STRN: variants seen among roughly 807,000 people sequenced by gnomAD.
STRN encodes the protein striatin.
Under a neutral mutation model 96.3 loss-of-function variants are expected in STRN, and 53 were observed. The observed-to-expected ratio is 0.55, with a 90% CI of 0.44 to 0.69. STRN has a LOEUF of 0.69. Among genes scored for constraint, STRN ranks in the 30% least tolerant of loss-of-function variants. The probability of loss-of-function intolerance (pLI) is 0.00; values close to 1 mark genes in which losing one functional copy is unlikely to be tolerated. For missense variants in STRN, 987 were observed against 963.9 expected (o/e 1.02, Z -0.32); for synonymous variants, 428 against 355.9 (o/e 1.20, Z -2.28).
chr2:36,862,310 TTGAGA>T (rs981971442), intron 12 of STRN, among the ~76,000 whole-genome samples: 27 of 152,294 alleles, frequency 1.8e-4, no homozygotes, highest in African/African-American at 6.0e-4. Context: ...TCAAACTTCT[TTGAGA>T]AATCACCAAA....
chr2:36,853,094 T>G (rs920095417), intron 15 of STRN, among the ~76,000 whole-genome samples: 5 of 151,946 alleles, frequency 3.3e-5, no homozygotes, highest in African/African-American at 1.2e-4. Flanking sequence ...GAGGTGGAGG[T>G]TGCAGTAAGC....
At chr2:36,943,664 C>T (rs1158785946) in intron 1 of STRN, among the ~76,000 whole-genome samples, 2 of 151,908 alleles carry the variant, frequency 1.3e-5, no homozygotes, top group Non-Finnish European at 2.9e-5. Flanking sequence ...ATTAGCTGGG[C>T]GTGGTGGCAC....
Position 36,916,140 on chromosome 2 carries a change from T to C in STRN, c.350A>G (p.His117Arg), listed in dbSNP as rs758197686. ...CAATTCTGTCCCGTATTTCAACTTG[T>C]GGTATTTGGCTCTAACAAAGAAATG... ...YALKQERAKY[H>R]KLKYGTELNQ... Residue 117 changes from histidine to arginine, a missense_variant, in exon 3 of 18, where the codon CAC becomes CGC. His to Arg is a conservative substitution (Grantham distance 29). Transcript: ENST00000263918. 3 of 1,613,484 alleles carry C rather than the reference T, an allele frequency of 1.9e-6. No individual in the cohort carries two copies. The highest frequency in any genetic ancestry group is 2.7e-5 in the African/African-American group (2 of 75,052).
At chr2:36,865,521 G>A (rs1668598418) in intron 12 of STRN, among the ~76,000 whole-genome samples, 1 of 151,936 alleles carries the variant, frequency 6.6e-6, no homozygotes, top group South Asian at 2.1e-4. Flanking sequence ...CTAGCTTTGG[G>A]GTTGGTTTTT....
chr2:36,885,688 A>G (rs1433157355), intron 8 of STRN, among the ~76,000 whole-genome samples: 1 of 152,194 alleles, frequency 6.6e-6, no homozygotes, highest in South Asian at 2.1e-4. Context: ...TTTAAGTAAT[A>G]AAGTTTAAAA....
chr2:36,937,268 G>A (rs527328972), intron 1 of STRN, among the ~76,000 whole-genome samples: 248 of 151,306 alleles, frequency 1.6e-3, no homozygotes, highest in Non-Finnish European at 2.8e-3. Flanking sequence ...CGCATGAACC[G>A]GGGAGGTGGA....
intron 1 of STRN, among the ~76,000 whole-genome samples, chr2:36,939,872 G>T (rs1167138759): frequency 6.6e-6 from 1 of 152,230 alleles, no homozygotes; most frequent in Non-Finnish European, 1.5e-5. Context: ...GAAAGACCAC[G>T]ATACAGTATT....
intron 2 of STRN, among the ~76,000 whole-genome samples, chr2:36,921,204 T>C (rs1231922385): frequency 6.6e-6 from 1 of 152,194 alleles, no homozygotes. Context: ...AGGGTACCAA[T>C]AAGCTTCCAA....
In STRN at chr2:36,839,427, CTA is replaced by C. The variant is rs1206767006; in HGVS notation, c.*10027_*10028del. 6.6e-6 allele frequency among the ~76,000 whole-genome samples: 1 copy of C among 152,160 alleles called. No individual in the cohort carries two copies. Among genetic ancestry groups the C allele is most frequent in the Admixed American group, 6.6e-5 (1 of 15,266 alleles). On this transcript the variant is annotated 3_prime_UTR_variant, in exon 18 of 18. Transcript: ENST00000263918. ...TGCTACTCTTGATGTTCATTTTAAC[CTA>C]TTTCTCCTAAAACCCTGATGTTCTA...
In STRN at chr2:36,846,832, A is replaced by T. The variant is rs1434104765; in HGVS notation, c.*2624T>A. On this transcript the variant is annotated 3_prime_UTR_variant, in exon 18 of 18. Transcript: ENST00000263918. ...TTTGAGAAGGGTGCTGCAAGCTCCC[A>T]GAGATGTATCCACAGCATATGAAAA... The T allele has an allele frequency of 1.3e-5, 2 of 152,150 alleles. No homozygotes were observed. Among genetic ancestry groups the T allele is most frequent in the Admixed American group, 6.6e-5 (1 of 15,258 alleles). 9.4% of individuals were successfully genotyped at this position (152,150 alleles called of 1,614,324 possible). A position where few individuals can be genotyped will look rare whatever the true frequency, so the allele number is the denominator to read the frequency against.
intron 2 of STRN, among the ~76,000 whole-genome samples, chr2:36,923,275 C>T: frequency 6.6e-6 from 1 of 151,328 alleles, no homozygotes; most frequent in Admixed American, 6.6e-5. Context: ...ATGGTGAAAC[C>T]CTGTCTCTAC....
intron 9 of STRN, among the ~76,000 whole-genome samples, chr2:36,879,255 G>A (rs1169297272): frequency 6.6e-6 from 1 of 151,936 alleles, no homozygotes; most frequent in East Asian, 1.9e-4. Flanking sequence ...ATTTTTAGTA[G>A]AGACGGGGTT....
chr2:36,958,248 C>T (rs868803487), intron 1 of STRN, among the ~76,000 whole-genome samples: 1 of 152,000 alleles, frequency 6.6e-6, no homozygotes, highest in African/African-American at 2.4e-5. Context: ...GGACAGCAGG[C>T]GGCACACAAA....
Position 36,858,156 on chromosome 2 carries a change from C to A in STRN, c.1670-133G>T, listed in dbSNP as rs573407743. The A allele has an allele frequency of 3.8e-5, 23 of 599,460 alleles. No individual in the cohort carries two copies. In the East Asian group the frequency reaches 7.3e-4, roughly 19 times the overall value. The allele number at this position is 599,460 out of a possible 1,614,324, so 37.1% of individuals were successfully genotyped here. On this transcript the variant is annotated intron_variant, in intron 13 of 17. Transcript: ENST00000263918. ...AATATGATTCTTGGTTTCTATTATT[C>A]TTCTGACAGGCTACAGTAAATCAAA...
chr2:36,961,790 G>C (rs191389541), intron 1 of STRN, among the ~76,000 whole-genome samples: 1 of 152,230 alleles, frequency 6.6e-6, no homozygotes. Context: ...GCAAGACCCT[G>C]TCTGACATGA....
intron 2 of STRN, among the ~76,000 whole-genome samples, chr2:36,919,055 T>C (rs542068118): frequency 1.3e-5 from 2 of 152,364 alleles, no homozygotes; most frequent in East Asian, 1.9e-4. Context: ...CCTATTATTA[T>C]ACATATTATG....
intron 7 of STRN, among the ~76,000 whole-genome samples, chr2:36,887,264 G>GT (rs1669260306): frequency 3.5e-5 from 4 of 113,972 alleles, no homozygotes; most frequent in African/African-American, 9.2e-5. Flanking sequence ...CCCATTTCTA[G>GT]TAAAATAAAT....
intron 9 of STRN, among the ~76,000 whole-genome samples, chr2:36,880,636 A>G (rs949162703): frequency 7.2e-5 from 11 of 152,182 alleles, no homozygotes; most frequent in Non-Finnish European, 1.2e-4. Flanking sequence ...ACATTTACTA[A>G]TGAAGAATAG....
chr2:36,964,847 G>A (rs1665120415), intron 1 of STRN, among the ~76,000 whole-genome samples: 1 of 152,168 alleles, frequency 6.6e-6, no homozygotes, highest in South Asian at 2.1e-4. Context: ...AACTCCATGA[G>A]GGCAGAAGCT....
Sources: gnomAD v4.1 joint callset for allele counts (sites outside exome capture counted in the v4.1 genomes callset) on GRCh38, gnomAD v4.1.1 for gene constraint, MANE v1.5 for transcripts, NCBI Gene and HGNC (gene_info 2026-07-23, HGNC 2026-07-21) for gene names.